The following RANBP17 variants were observed in gnomAD, a reference collection of about 807,000 sequenced individuals.
The protein encoded by RANBP17 is ran-binding protein 17.
Under a neutral mutation model 141.2 loss-of-function variants are expected in RANBP17, and 158 were observed. The ratio of observed to expected loss-of-function variants is 1.12; its 90% CI spans 0.98 to 1.28. The LOEUF (loss-of-function observed/expected upper bound fraction) is 1.28. Ranked by LOEUF, RANBP17 falls within the 50% of genes most tolerant of loss-of-function variation. The pLI, the probability that RANBP17 is intolerant of heterozygous loss-of-function variation, is 0.00. For missense variants in RANBP17, 1,438 were observed against 1,290.7 expected (o/e 1.11, Z -1.75); for synonymous variants, 430 against 450.0 (o/e 0.96, Z 0.56).
intron 13 of RANBP17, among the ~76,000 whole-genome samples, chr5:170,962,983 T>TA (rs796390138): frequency 3.3e-5 from 5 of 152,316 alleles, no homozygotes; most frequent in African/African-American, 1.2e-4. Flanking sequence ...GGAAAGTAGT[T>TA]ATGTTTTACT....
chr5:171,113,045 GC>G (rs1170866627), intron 14 of RANBP17, among the ~76,000 whole-genome samples: 1 of 152,106 alleles, frequency 6.6e-6, no homozygotes, highest in East Asian at 1.9e-4. Context: ...CTTAATAAAA[GC>G]TGGTTTTCTT....
At chr5:171,184,260 A>G (rs1761073182) in intron 18 of RANBP17, among the ~76,000 whole-genome samples, 1 of 152,260 alleles carries the variant, frequency 6.6e-6, no homozygotes, top group Non-Finnish European at 1.5e-5. Flanking sequence ...GAATGGATAA[A>G]GAAAATGTGG....
intron 20 of RANBP17, among the ~76,000 whole-genome samples, chr5:171,213,298 A>G (rs900735595): frequency 1.3e-5 from 2 of 152,166 alleles, no homozygotes; most frequent in Non-Finnish European, 2.9e-5. Flanking sequence ...CCTTTCCTAC[A>G]ACATTAGGCA....
At chr5:171,007,401 G>A (rs1024509214) in intron 14 of RANBP17, among the ~76,000 whole-genome samples, 2 of 152,144 alleles carry the variant, frequency 1.3e-5, no homozygotes, top group Non-Finnish European at 1.5e-5. Context: ...TAGGGGAGCA[G>A]AGGCTGAAGA....
At chr5:171,152,350 C>T (rs1372059855) in intron 14 of RANBP17, among the ~76,000 whole-genome samples, 2 of 149,114 alleles carry the variant, frequency 1.3e-5, no homozygotes, top group African/African-American at 4.9e-5. Context: ...ACCCGGGAGG[C>T]GGAGGTTGCA....
intron 8 of RANBP17, among the ~76,000 whole-genome samples, chr5:170,914,469 A>G (rs1194459674): frequency 1.1e-4 from 17 of 152,144 alleles, no homozygotes; most frequent in African/African-American, 7.2e-5. Context: ...CTGTTGATTT[A>G]GCTCTTGCCC....
At chr5:171,096,432 A>C (rs1786695577) in intron 14 of RANBP17, among the ~76,000 whole-genome samples, 2 of 152,198 alleles carry the variant, frequency 1.3e-5, no homozygotes, top group Admixed American at 1.3e-4. Context: ...GTGAAGTGAG[A>C]GGAAATCCGA....
chr5:170,997,448 T>G (rs1201058956), intron 14 of RANBP17, among the ~76,000 whole-genome samples: 1 of 152,166 alleles, frequency 6.6e-6, no homozygotes, highest in Non-Finnish European at 1.5e-5. Context: ...AGATAGATGA[T>G]CCCTCAACTA....
intron 18 of RANBP17, among the ~76,000 whole-genome samples, chr5:171,198,546 C>T (rs766277524): frequency 3.9e-5 from 6 of 152,182 alleles, no homozygotes; most frequent in Non-Finnish European, 5.9e-5. Flanking sequence ...CATTCACAGG[C>T]ATCTGAATCA....
In RANBP17 at chr5:171,101,178, T is replaced by C. The variant is rs566716959; in HGVS notation, c.1711-68952T>C. Among the ~76,000 whole-genome samples, 64 of 152,230 alleles carry C rather than the reference T, an allele frequency of 4.2e-4. 2 individuals are homozygous for C. The highest frequency in any genetic ancestry group is 7.9e-4 in the Non-Finnish European group (54 of 67,976). ...CTTGCTAATTTTCTGTCTCGATCTGTCTAATATTGACAGTGGAGTGTTAAA... is the reference window on the plus strand; with the variant it reads ...CTTGCTAATTTTCTGTCTCGATCTGCCTAATATTGACAGTGGAGTGTTAAA... On this transcript the variant is annotated intron_variant, in intron 14 of 27. Coordinates refer to ENST00000523189, the MANE Select transcript of RANBP17 (RefSeq NM_022897.5).
At chr5:171,273,139 C>G (rs1233728903) in intron 25 of RANBP17, among the ~76,000 whole-genome samples, 1 of 152,184 alleles carries the variant, frequency 6.6e-6, no homozygotes, top group African/African-American at 2.4e-5. Flanking sequence ...GATAGGGAAG[C>G]ACCATGTGCT....
intron 14 of RANBP17, among the ~76,000 whole-genome samples, chr5:171,134,561 T>C (rs532671813): frequency 7.2e-5 from 11 of 152,326 alleles, no homozygotes; most frequent in African/African-American, 2.6e-4. Flanking sequence ...CAAACATTTT[T>C]CCCTAATAGT....
intron 13 of RANBP17, among the ~76,000 whole-genome samples, chr5:170,957,294 A>G (rs968778076): frequency 6.6e-6 from 1 of 152,136 alleles, no homozygotes; most frequent in African/African-American, 2.4e-5. Context: ...TCATGGGCCA[A>G]TATTTTTCTG....
chr5:171,098,445 G>A (rs544090320), intron 14 of RANBP17, among the ~76,000 whole-genome samples: 1 of 152,258 alleles, frequency 6.6e-6, no homozygotes, highest in Admixed American at 6.5e-5. Context: ...CTTTTGAGAA[G>A]TGTCTGTTCA....
chr5:171,159,737 C>T lies in RANBP17; in HGVS notation c.1711-10393C>T, dbSNP rs141315152. ...GAGATCAAGACCATCCTGGCTAACA[C>T]GGTGAATCCTCGTCTCTACTAAAAA... On this transcript the variant is annotated intron_variant, in intron 14 of 27. Transcript: ENST00000523189. Among the ~76,000 whole-genome samples the T allele has an allele frequency of 3.0e-3, 458 of 151,716 alleles. 4 individuals are homozygous for T. Among genetic ancestry groups the T allele is most frequent in the African/African-American group, 9.7e-3 (401 of 41,392 alleles).
At chr5:171,099,600 C>A (rs1459156882) in intron 14 of RANBP17, among the ~76,000 whole-genome samples, 1 of 152,184 alleles carries the variant, frequency 6.6e-6, no homozygotes, top group African/African-American at 2.4e-5. Flanking sequence ...TTATTTCTTT[C>A]TCTTGCCTGG....
chr5:171,293,875 T>C lies in RANBP17; in HGVS notation c.2944-8T>C, dbSNP rs745608876. 30 of 1,605,914 alleles carry C rather than the reference T, an allele frequency of 1.9e-5. No homozygotes were observed. The South Asian group carries it at 3.0e-4, about 16-fold the overall frequency. ...GCATCTCAATCTTTATGTGATTCTA[T>C]CTTCTAGATGATGTCTGTCCTCATG... On this transcript the variant is annotated splice_region_variant and splice_polypyrimidine_tract_variant and intron_variant, in intron 25 of 27. Coordinates refer to ENST00000523189, the MANE Select transcript of RANBP17 (RefSeq NM_022897.5).
At chr5:170,934,975 C>T (rs561091993) in intron 12 of RANBP17, among the ~76,000 whole-genome samples, 1 of 152,244 alleles carries the variant, frequency 6.6e-6, no homozygotes, top group East Asian at 1.9e-4. Flanking sequence ...TTCATGTAGT[C>T]CCATATTTCT....
intron 14 of RANBP17, among the ~76,000 whole-genome samples, chr5:171,107,378 C>T (rs542883512): frequency 6.6e-6 from 1 of 152,324 alleles, no homozygotes; most frequent in Admixed American, 6.5e-5. Flanking sequence ...ATCCCTAGTT[C>T]CTGTTCTTCC....
Sources: allele counts gnomAD v4.1 joint callset (sites outside exome capture counted in the v4.1 genomes callset), GRCh38; gene constraint gnomAD v4.1.1; transcripts MANE v1.5; gene names NCBI Gene and HGNC (gene_info 2026-07-23, HGNC 2026-07-21).